CACNA2D1: variants seen among roughly 807,000 people sequenced by gnomAD.
The protein encoded by CACNA2D1 is calcium voltage-gated channel auxiliary subunit alpha2delta 1.
A neutral mutation model predicts 171.5 loss-of-function variants in CACNA2D1; 53 were observed. The ratio of observed to expected loss-of-function variants is 0.31; its 90% CI spans 0.25 to 0.39. CACNA2D1 has a LOEUF of 0.39. Among genes scored for constraint, CACNA2D1 ranks in the 10% least tolerant of loss-of-function variants. CACNA2D1 has a pLI of 1.00. For missense variants in CACNA2D1, 903 were observed against 1,299.8 expected (o/e 0.69, Z 4.69); for synonymous variants, 442 against 443.1 (o/e 1.00, Z 0.03).
intron 3 of CACNA2D1, among the ~76,000 whole-genome samples, chr7:82,189,639 A>G (rs947542640): frequency 2.0e-5 from 3 of 151,922 alleles, no homozygotes; most frequent in African/African-American, 7.2e-5. Flanking sequence ...AGAGATACCA[A>G]CTGAATATGG....
At chr7:82,329,558 G>A (rs1025333821) in intron 3 of CACNA2D1, among the ~76,000 whole-genome samples, 1 of 152,100 alleles carries the variant, frequency 6.6e-6, no homozygotes, top group Non-Finnish European at 1.5e-5. Flanking sequence ...GGATTGCTTT[G>A]TTGAAAAGCT....
intron 3 of CACNA2D1, among the ~76,000 whole-genome samples, chr7:82,282,768 TAAG>T (rs1810286919): frequency 6.6e-6 from 1 of 151,792 alleles, no homozygotes; most frequent in Non-Finnish European, 1.5e-5. Context: ...GATTCCTAAG[TAAG>T]AAGACATCTT....
At chr7:81,962,169 T>C (rs1237137272) in intron 35 of CACNA2D1, 146 bp from the exon 36 acceptor site, 2 of 725,316 alleles carry the variant, frequency 2.8e-6, no homozygotes, top group East Asian at 5.2e-5. Flanking sequence ...TGCTGTGTAA[T>C]ATCGTGGCAG....
At chr7:82,394,651 G>C (rs957144776) in intron 1 of CACNA2D1, among the ~76,000 whole-genome samples, 1 of 152,088 alleles carries the variant, frequency 6.6e-6, no homozygotes, top group South Asian at 2.1e-4. Flanking sequence ...GGCTTTTTTG[G>C]TTTTGTTTGC....
chr7:82,010,384 T>C (rs555808435), intron 15 of CACNA2D1, among the ~76,000 whole-genome samples: 1 of 152,000 alleles, frequency 6.6e-6, no homozygotes, highest in African/African-American at 2.4e-5. Context: ...CCTTTTTTTT[T>C]TTTTTTTACA....
rs574184385 is a variant in CACNA2D1 at position 82,328,848 on chromosome 7, C to G, written c.294+6287G>C. Among the ~76,000 whole-genome samples, 15 of 152,264 alleles carry G rather than the reference C, an allele frequency of 9.9e-5. No homozygotes were observed. The South Asian group carries it at 2.9e-3, about 29-fold the overall frequency. On this transcript the variant is annotated intron_variant, in intron 3 of 38. Transcript: ENST00000356860. ...TTAACACTACAGTCTTTATTCTGTT[C>G]CAGTATATTCTATTGAATCTATTCT...
chr7:82,206,570 G>A (rs1800022149), intron 3 of CACNA2D1, among the ~76,000 whole-genome samples: 1 of 152,116 alleles, frequency 6.6e-6, no homozygotes, highest in South Asian at 2.1e-4. Context: ...TGCCATAAAA[G>A]ATGCAAATTT....
intron 3 of CACNA2D1, among the ~76,000 whole-genome samples, chr7:82,301,772 C>T (rs200509675): frequency 2.9e-5 from 4 of 136,002 alleles, no homozygotes; most frequent in South Asian, 2.4e-4. Flanking sequence ...CACACACACA[C>T]ATAGAGAGAG....
At chr7:82,399,054 A>G (rs1441737296) in intron 1 of CACNA2D1, among the ~76,000 whole-genome samples, 1 of 152,136 alleles carries the variant, frequency 6.6e-6, no homozygotes, top group African/African-American at 2.4e-5. Context: ...GTAGATCAAC[A>G]CACTCACCAA....
chr7:82,437,780 T>G (rs16887274), intron 1 of CACNA2D1, among the ~76,000 whole-genome samples: 3,126 of 152,256 alleles, frequency 0.021, 101 homozygotes, highest in East Asian at 0.11. Context: ...TTCTATGTAC[T>G]GAATTACTAC....
intron 1 of CACNA2D1, among the ~76,000 whole-genome samples, chr7:82,431,580 T>C (rs1829677332): frequency 6.6e-6 from 1 of 152,138 alleles, no homozygotes; most frequent in African/African-American, 2.4e-5. Flanking sequence ...GGCAGCAAAG[T>C]TCAGCAGGTA....
intron 3 of CACNA2D1, among the ~76,000 whole-genome samples, chr7:82,321,409 T>A (rs1815861224): frequency 1.3e-5 from 2 of 151,320 alleles, no homozygotes; most frequent in Admixed American, 1.3e-4. Flanking sequence ...GAAAAAGAAA[T>A]AAAATAATAA....
At chr7:82,300,397 A>T (rs1812850048) in intron 3 of CACNA2D1, among the ~76,000 whole-genome samples, 1 of 152,166 alleles carries the variant, frequency 6.6e-6, no homozygotes, top group Admixed American at 6.6e-5. Context: ...TTTATACGTA[A>T]AAGAATGAAA....
In CACNA2D1 at chr7:82,257,794, G is replaced by A. The variant is rs1219032278; in HGVS notation, c.294+77341C>T. On this transcript the variant is annotated intron_variant, in intron 3 of 38. Transcript: ENST00000356860. ...TGAAAATCTAGGAGCTCTGATAAAA[G>A]CTTGGCTGTAAAGTGAAAGAGAGAA... Among the ~76,000 whole-genome samples, 3 of 152,164 alleles carry A rather than the reference G, an allele frequency of 2.0e-5. No homozygotes were observed. The East Asian group carries it at 5.8e-4, about 29-fold the overall frequency.
At chr7:82,350,424 G>C (rs922277303) in intron 1 of CACNA2D1, among the ~76,000 whole-genome samples, 5 of 152,152 alleles carry the variant, frequency 3.3e-5, no homozygotes, top group African/African-American at 1.2e-4. Flanking sequence ...CCAGCACTTT[G>C]GGAGGCCGAG....
At chr7:81,951,971 T>TTTTTTTTTTTTGTTGTTG (rs1554321674) in intron 38 of CACNA2D1, among the ~76,000 whole-genome samples, 57 of 130,752 alleles carry the variant, frequency 4.4e-4, no homozygotes, top group African/African-American at 1.3e-3. Flanking sequence ...TACAAAGTGT[T>TTTTTTTTTTTTGTTGTTG]TTTTTTTTTT....
chr7:82,066,526 TAA>T lies in CACNA2D1; in HGVS notation c.659-4_659-3del, dbSNP rs370103843. The T allele has an allele frequency of 0.03, 40,259 of 1,348,660 alleles. 56 individuals are homozygous for T. Among genetic ancestry groups the T allele is most frequent in the African/African-American group, 0.076 (4,606 of 60,870 alleles). The allele number at this position is 1,348,660 out of a possible 1,614,324, so 83.5% of individuals were successfully genotyped here. A position where few individuals can be genotyped will look rare whatever the true frequency, so the allele number is the denominator to read the frequency against. On this transcript the variant is annotated splice_region_variant and splice_polypyrimidine_tract_variant and intron_variant, in intron 7 of 38. Transcript: ENST00000356860. Reference sequence around the variant, plus strand: ...TACTATTATCAACCCATGGTGAAGCTAAAAAAAAAAAAAAAAGAGAGATATTA... The same window carrying T: ...TACTATTATCAACCCATGGTGAAGCTAAAAAAAAAAAAAAGAGAGATATTA...
chr7:82,009,721 C>T lies in CACNA2D1; in HGVS notation c.1363-1965G>A, dbSNP rs143575172. On this transcript the variant is annotated intron_variant, in intron 15 of 38. Transcript: ENST00000356860. Reference sequence around the variant, plus strand: ...CATATTAAAGATAATTATGAATGAACTCATTTGGGCCCAACTTGAATTTTT... The same window carrying T: ...CATATTAAAGATAATTATGAATGAATTCATTTGGGCCCAACTTGAATTTTT... Among the ~76,000 whole-genome samples, 727 of 152,076 alleles carry T rather than the reference C, an allele frequency of 4.8e-3. 9 individuals are homozygous for T. The highest frequency in any genetic ancestry group is 0.017 in the African/African-American group (686 of 41,492).
chr7:82,321,143 A>G (rs916868223), intron 3 of CACNA2D1, among the ~76,000 whole-genome samples: 8 of 152,166 alleles, frequency 5.3e-5, no homozygotes, highest in African/African-American at 9.6e-5. Context: ...TCACGCCTAT[A>G]ACCCCAGCAC....
Sources: gnomAD v4.1 joint callset for allele counts (sites outside exome capture counted in the v4.1 genomes callset) on GRCh38, gnomAD v4.1.1 for gene constraint, MANE v1.5 for transcripts, NCBI Gene and HGNC (gene_info 2026-07-23, HGNC 2026-07-21) for gene names.